Variants in PHF3 observed in about 807,000 individuals in gnomAD.
The protein encoded by PHF3 is PHD finger protein 3.
A neutral mutation model predicts 178.4 loss-of-function variants in PHF3; 41 were observed. The ratio of observed to expected loss-of-function variants is 0.23; its 90% confidence interval spans 0.18 to 0.30. The LOEUF is 0.30. PHF3 is among the 10% of genes least tolerant of loss of function. The probability of loss-of-function intolerance (pLI) is 1.00; values close to 1 mark genes in which losing one functional copy is unlikely to be tolerated. For missense variants in PHF3, 2,346 were observed against 2,398.1 expected (o/e 0.98, Z 0.45); for synonymous variants, 842 against 800.5 (o/e 1.05, Z -0.88).
chr6:63,709,128 CTTT>C lies in PHF3; in HGVS notation c.3712-11_3712-9del, dbSNP rs77193327. On this transcript the variant is annotated intron_variant, in intron 13 of 15. Transcript: ENST00000262043. Reference sequence around the variant, plus strand: ...AAAGATAATCTATATATATTGATCTCTTTTTTTTTTTTTTAACCATAGGACCTA... The same window carrying C: ...AAAGATAATCTATATATATTGATCTCTTTTTTTTTTTAACCATAGGACCTA... 3.4e-3 allele frequency: 3,666 copies of C among 1,090,446 alleles called. No homozygotes were observed. The highest frequency in any genetic ancestry group is 6.0e-3 in the South Asian group (404 of 67,380). 67.5% of individuals were successfully genotyped at this position (1,090,446 alleles called of 1,614,324 possible).
rs1764308136 is a variant in PHF3 at position 63,635,915 on chromosome 6, C to T, written c.-261C>T. The T allele has an allele frequency of 5.0e-6, 2 of 398,028 alleles. No homozygotes were observed. 24.7% of individuals were successfully genotyped at this position (398,028 alleles called of 1,614,324 possible). On this transcript the variant is annotated 5_prime_UTR_variant, in exon 1 of 16. Transcript: ENST00000262043. ...CCACGCGGCAAGCGACCTTCGGGCT[C>T]AGGGCGGCGGCGGCTGCAACGAGGA...
intron 6 of PHF3, among the ~76,000 whole-genome samples, chr6:63,697,347 T>TCA: frequency 6.6e-6 from 1 of 151,640 alleles, no homozygotes; most frequent in Non-Finnish European, 1.5e-5. Flanking sequence ...GAGAAGGAGG[T>TCA]ATTGTTGGTT....
intron 5 of PHF3, among the ~76,000 whole-genome samples, chr6:63,692,711 A>G (rs1341679895): frequency 6.6e-6 from 1 of 152,192 alleles, no homozygotes; most frequent in Non-Finnish European, 1.5e-5. Flanking sequence ...TTTTGGTCCA[A>G]TCATTTTGAT....
chr6:63,692,575 C>G (rs995507751), intron 5 of PHF3, among the ~76,000 whole-genome samples: 1 of 151,994 alleles, frequency 6.6e-6, no homozygotes, highest in African/African-American at 2.4e-5. Flanking sequence ...CTTTTTTAGT[C>G]GTTAATTTGT....
At chr6:63,643,318 C>T (rs946199430) in intron 1 of PHF3, among the ~76,000 whole-genome samples, 5 of 152,070 alleles carry the variant, frequency 3.3e-5, no homozygotes, top group Non-Finnish European at 7.4e-5. Context: ...TGAATTATAC[C>T]TCCAGTAAAT....
Position 63,702,631 on chromosome 6 carries a change from G to A in PHF3, c.3223G>A (p.Glu1075Lys), listed in dbSNP as rs1767521826. Residue 1075 changes from glutamate to lysine, a missense_variant, in exon 10 of 16, where the codon GAG (glutamate) becomes AAG (lysine). Transcript: ENST00000262043. ...AATGAAAGAACAGGAAGCAGCCATGGAGATTCAGGTAAGGATAGATATGCC... is the reference window on the plus strand; with the variant it reads ...AATGAAAGAACAGGAAGCAGCCATGAAGATTCAGGTAAGGATAGATATGCC... ...APMKEQEAAM[E>K]IQEPAANKSL... 6.2e-7 allele frequency: 1 copy of A among 1,612,740 alleles called. No homozygotes were observed. The highest frequency in any genetic ancestry group is 2.2e-5 in the East Asian group (1 of 44,830).
intron 2 of PHF3, among the ~76,000 whole-genome samples, chr6:63,650,138 C>T (rs1033053862): frequency 1.3e-5 from 2 of 152,114 alleles, no homozygotes; most frequent in African/African-American, 4.8e-5. Context: ...TATAGTTCAA[C>T]ATTGTTTTAA....
At chr6:63,699,354 G>C (rs964341312) in intron 8 of PHF3, among the ~76,000 whole-genome samples, 1 of 152,102 alleles carries the variant, frequency 6.6e-6, no homozygotes, top group African/African-American at 2.4e-5. Context: ...GATTACTCTA[G>C]GTAACAGAAT....
rs369575352 is a variant in PHF3, at chr6:63,703,531, G to A, written c.3232-5G>A. ...AAAACTAATTTTTACTTTGACTTAC[G>A]TTAGGAACCAGCCGCCAATAAGTCA... On this transcript the variant is annotated splice_region_variant and splice_polypyrimidine_tract_variant and intron_variant, in intron 10 of 15. Coordinates refer to ENST00000262043, the MANE Select transcript of PHF3 (RefSeq NM_001370348.2). 485 of 1,601,806 alleles carry A rather than the reference G, an allele frequency of 3.0e-4. No individual in the cohort carries two copies. The highest frequency in any genetic ancestry group is 3.9e-4 in the Non-Finnish European group (460 of 1,177,018).
chr6:63,651,205 TTATC>T (rs1765006333), intron 2 of PHF3, among the ~76,000 whole-genome samples: 2 of 152,182 alleles, frequency 1.3e-5, no homozygotes, highest in Admixed American at 6.5e-5. Flanking sequence ...ATTTGCATAT[TTATC>T]AGCTCAAATA....
At chr6:63,664,384 T>A (rs1019140772) in intron 2 of PHF3, among the ~76,000 whole-genome samples, 3 of 152,212 alleles carry the variant, frequency 2.0e-5, no homozygotes, top group South Asian at 2.1e-4. Flanking sequence ...AATTCTTGTT[T>A]TACTCTGAAG....
intron 2 of PHF3, among the ~76,000 whole-genome samples, chr6:63,673,627 C>A (rs1213487457): frequency 6.6e-6 from 1 of 152,124 alleles, no homozygotes; most frequent in Non-Finnish European, 1.5e-5. Flanking sequence ...TAGAAACTTG[C>A]AAAACATGTT....
In PHF3 at chr6:63,712,487, A is replaced by G. The variant is rs758371437; in HGVS notation, c.4899A>G (p.Glu1633=). 6.2e-7 allele frequency: 1 copy of G among 1,613,950 alleles called. No homozygotes were observed. The highest frequency in any genetic ancestry group is 8.5e-7 in the Non-Finnish European group (1 of 1,179,942). ...GNIDGNVSCS[E]NLVANTARSP... ...TAGATGGTAATGTGAGCTGTAGTGA[A>G]AACCTTGTTGCTAATACAGCGAGGT... is the stretch of plus-strand genomic sequence containing the variant. Residue 1633 remains glutamate, a synonymous_variant, in exon 16 of 16, where the codon GAA becomes GAG. Coordinates refer to ENST00000262043, the MANE Select transcript of PHF3 (RefSeq NM_001370348.2).
At chr6:63,666,092 T>C (rs2149562122) in intron 2 of PHF3, among the ~76,000 whole-genome samples, 1 of 152,308 alleles carries the variant, frequency 6.6e-6, no homozygotes, top group Non-Finnish European at 1.5e-5. Context: ...GCTTTAGTTA[T>C]ACACACCCCC....
At chr6:63,686,063 T>C in intron 4 of PHF3, 152 bp downstream of exon 4, 1 of 580,192 alleles carries the variant, frequency 1.7e-6, no homozygotes, top group East Asian at 2.8e-5. Context: ...GGATAAATGA[T>C]AGAAAGATGG....
chr6:63,695,897 A>G (rs1211475948), intron 6 of PHF3, among the ~76,000 whole-genome samples: 1 of 151,918 alleles, frequency 6.6e-6, no homozygotes, highest in African/African-American at 2.4e-5. Flanking sequence ...CCATTATGAG[A>G]TTCCTATTAG....
At chr6:63,644,898 T>G (rs116161601) in intron 1 of PHF3, among the ~76,000 whole-genome samples, 1,802 of 151,972 alleles carry the variant, frequency 0.012, 30 homozygotes, top group African/African-American at 0.042. Context: ...TTTTTTTTTT[T>G]TTTTTGGGCA....
At chr6:63,669,178 A>T (rs59745934) in intron 2 of PHF3, among the ~76,000 whole-genome samples, 1 of 152,222 alleles carries the variant, frequency 6.6e-6, no homozygotes, top group African/African-American at 2.4e-5. Flanking sequence ...GATTTAGGGA[A>T]ATAATTATTG....
rs559662820 is a variant in PHF3, at chr6:63,677,924, T to C, written c.245-2076T>C. ...GGAGCATAGTAGACCTGTAATCTAATGTCAAAACTTTTTTGAGGCTGGGTG... is the reference window on the plus strand; with the variant it reads ...GGAGCATAGTAGACCTGTAATCTAACGTCAAAACTTTTTTGAGGCTGGGTG... On this transcript the variant is annotated intron_variant, in intron 2 of 15. Coordinates refer to ENST00000262043, the MANE Select transcript of PHF3 (RefSeq NM_001370348.2). Among the ~76,000 whole-genome samples, 236 of 152,230 alleles carry C rather than the reference T, an allele frequency of 1.6e-3. 1 individual carries two copies. The highest frequency in any genetic ancestry group is 2.7e-3 in the Non-Finnish European group (186 of 67,990).
Sources: gnomAD v4.1 joint callset for allele counts (sites outside exome capture counted in the v4.1 genomes callset) on GRCh38, gnomAD v4.1.1 for gene constraint, MANE v1.5 for transcripts, NCBI Gene and HGNC (gene_info 2026-07-23, HGNC 2026-07-21) for gene names.